Variants in ACSM3 observed in about 807,000 individuals in gnomAD.
ACSM3 encodes acyl-CoA synthetase medium chain family member 3.
ACSM3 carries 61 observed loss-of-function variants against 74.1 expected under a neutral mutation model. The observed-to-expected ratio is 0.82, with a 90% CI of 0.67 to 1.02. The LOEUF (loss-of-function observed/expected upper bound fraction) is 1.02, where lower values mean the gene tolerates loss of function less well. Ranked by LOEUF, ACSM3 falls within the 50% of genes least tolerant of loss-of-function variation. The probability of loss-of-function intolerance (pLI) is 0.00; values close to 1 mark genes in which losing one functional copy is unlikely to be tolerated. For missense variants in ACSM3, 660 were observed against 697.0 expected (o/e 0.95, Z 0.60); for synonymous variants, 213 against 241.5 (o/e 0.88, Z 1.09).
chr16:20,767,235 G>GTAGTTCCCTCTGTACCCAATCCCCAAT (rs1467405464), intron 1 of ACSM3, among the ~76,000 whole-genome samples: 9 of 92,056 alleles, frequency 9.8e-5, no homozygotes, highest in East Asian at 2.4e-4. Flanking sequence ...ACAGGGACCG[G>GTAGTTCCCTCTGTACCCAATCCCCAAT]GGCCGGGCGC....
intron 1 of ACSM3, chr16:20,728,565 T>A (rs1413634474): frequency 3.9e-6 from 2 of 513,620 alleles, no homozygotes. Context: ...TGTCTTGCTA[T>A]GTAACCTCAG....
chr16:20,743,979 T>C (rs1279762835), intron 1 of ACSM3: 1 of 152,224 alleles, frequency 6.6e-6, no homozygotes, highest in Middle Eastern at 3.2e-3. Context: ...TGTTAAAATA[T>C]GTGAGGAGGC....
At chr16:20,688,753 T>C (rs2079599512) in intron 1 of ACSM3, among the ~76,000 whole-genome samples, 1 of 151,890 alleles carries the variant, frequency 6.6e-6, no homozygotes, top group South Asian at 2.1e-4. Flanking sequence ...GACTTGCCCC[T>C]ACAAGAAATG....
At chr16:20,750,282 G>C (rs1427384116) in intron 2 of ACSM3, among the ~76,000 whole-genome samples, 1 of 152,074 alleles carries the variant, frequency 6.6e-6, no homozygotes, top group African/African-American at 2.4e-5. Flanking sequence ...TGTTAAAATA[G>C]TGTTATTTCT....
At chr16:20,737,002 CA>C (rs2079875299) in intron 1 of ACSM3, 5 of 1,614,158 alleles carry the variant, frequency 3.1e-6, no homozygotes, top group Non-Finnish European at 4.2e-6. Context: ...CCCAGCTCCT[CA>C]GTATTCTCTG....
chr16:20,789,545 G>A, intron 9 of ACSM3: 1 of 1,612,712 alleles, frequency 6.2e-7, no homozygotes, highest in South Asian at 1.1e-5. Context: ...GTAAGGTTCT[G>A]TAGGTTCCAC....
chr16:20,752,366 G>T (rs114337944), intron 2 of ACSM3, among the ~76,000 whole-genome samples: 1 of 152,188 alleles, frequency 6.6e-6, no homozygotes, highest in Admixed American at 6.5e-5. Flanking sequence ...CTTCTGCTCC[G>T]TATAAGGAAT....
At chr16:20,738,465 G>A (rs2152418742) in intron 1 of ACSM3, among the ~76,000 whole-genome samples, 1 of 152,236 alleles carries the variant, frequency 6.6e-6, no homozygotes. Flanking sequence ...GCTGCAACTT[G>A]CCTACATACA....
chr16:20,721,680 T>A (rs1338066495), intron 1 of ACSM3: 2 of 152,164 alleles, frequency 1.3e-5, no homozygotes, highest in African/African-American at 4.8e-5. Context: ...GGATTTAGAA[T>A]AAATATTTGT....
At position 20,780,848 on chromosome 16, in the gene ACSM3, T is replaced by C; in HGVS notation, c.773T>C (p.Val258Ala). ...AGCAGTTTTGGTTTAGGATTATCTG[T>C]AAATGGAAGGTATACTTTCACAAAA... ...THSSFGLGLS[V>A]NGRFWLDLTP... Residue 258 changes from valine to alanine, a missense_variant, in exon 5 of 14, where the codon GTA (valine) becomes GCA (alanine). Transcript: ENST00000289416. The C allele has an allele frequency of 6.2e-7, 1 of 1,614,250 alleles. No homozygotes were observed. The highest frequency in any genetic ancestry group is 8.5e-7 in the Non-Finnish European group (1 of 1,180,034).
At chr16:20,715,962 C>A (rs1296742660) in intron 1 of ACSM3, among the ~76,000 whole-genome samples, 1 of 152,174 alleles carries the variant, frequency 6.6e-6, no homozygotes, top group East Asian at 1.9e-4. Context: ...AGGCTGGCTG[C>A]CAGCTGAAGC....
At chr16:20,708,445 C>T (rs891563915) in intron 1 of ACSM3, among the ~76,000 whole-genome samples, 5 of 152,134 alleles carry the variant, frequency 3.3e-5, no homozygotes, top group Admixed American at 6.5e-5. Context: ...TTGCAGGACA[C>T]AAAACCAACG....
chr16:20,791,186 C>T (rs968903322), intron 10 of ACSM3, among the ~76,000 whole-genome samples: 1 of 152,118 alleles, frequency 6.6e-6, no homozygotes, highest in Non-Finnish European at 1.5e-5. Flanking sequence ...AATAAAAGAT[C>T]CAGATGCTAC....
chr16:20,788,014 G>C (rs1350708705), intron 9 of ACSM3, among the ~76,000 whole-genome samples: 4 of 152,192 alleles, frequency 2.6e-5, no homozygotes, highest in Admixed American at 2.6e-4. Context: ...TATGTTTAAA[G>C]AGCATATCAG....
chr16:20,714,109 C>A (rs1382270950), intron 1 of ACSM3, among the ~76,000 whole-genome samples: 5 of 151,910 alleles, frequency 3.3e-5, no homozygotes, highest in Non-Finnish European at 5.9e-5. Context: ...CTTTTTCTGT[C>A]CTAGTACAGA....
intron 1 of ACSM3, among the ~76,000 whole-genome samples, chr16:20,730,073 A>G (rs903432134): frequency 6.6e-6 from 1 of 152,130 alleles, no homozygotes; most frequent in Non-Finnish European, 1.5e-5. Context: ...TCTCTCACCA[A>G]TGTGGTTCAG....
chr16:20,749,162 A>G (rs1390453234), intron 1 of ACSM3: 1 of 152,170 alleles, frequency 6.6e-6, no homozygotes, highest in Non-Finnish European at 1.5e-5. Flanking sequence ...GTGCACATAG[A>G]TATACACATA....
intron 1 of ACSM3, among the ~76,000 whole-genome samples, chr16:20,704,724 T>G (rs1251809886): frequency 6.6e-6 from 1 of 152,160 alleles, no homozygotes; most frequent in Non-Finnish European, 1.5e-5. Context: ...TATAAAAGTA[T>G]AGCCAAGTTA....
At chr16:20,725,444 A>G (rs2079801517) in intron 1 of ACSM3, 1 of 228,024 alleles carries the variant, frequency 4.4e-6, no homozygotes, top group Admixed American at 4.4e-5. Context: ...CTTAAGAGGT[A>G]CTTGGGCAGA....
Sources: gnomAD v4.1 joint callset for allele counts (sites outside exome capture counted in the v4.1 genomes callset) on GRCh38, gnomAD v4.1.1 for gene constraint, MANE v1.5 for transcripts, NCBI Gene and HGNC (gene_info 2026-07-23, HGNC 2026-07-21) for gene names.